The following BTBD16 variants were observed in gnomAD, a reference collection of about 807,000 sequenced individuals.
The protein encoded by BTBD16 is BTB/POZ domain-containing protein 16.
BTBD16 carries 66 observed loss-of-function variants against 67.4 expected under a neutral mutation model. That is an observed-to-expected ratio of 0.98 (90% CI 0.80 to 1.20). BTBD16 has a LOEUF of 1.20. Ranked by LOEUF, BTBD16 falls within the 50% of genes most tolerant of loss-of-function variation. The probability of loss-of-function intolerance (pLI) is 0.00; values close to 1 mark genes in which losing one functional copy is unlikely to be tolerated. For synonymous variants in BTBD16, 242 were observed against 236.4 expected, an observed-to-expected ratio of 1.02 and a Z score of -0.22; for missense variants, 634 against 616.0, an observed-to-expected ratio of 1.03 and a Z score of -0.31.
At chr10:122,336,212 T>G (rs749660126) in intron 14 of BTBD16, among the ~76,000 whole-genome samples, 1 of 152,218 alleles carries the variant, frequency 6.6e-6, no homozygotes, top group South Asian at 2.1e-4. Context: ...GAGTACTACA[T>G]TGGTTTTTTA....
At chr10:122,319,644 G>T (rs888789975) in intron 10 of BTBD16, among the ~76,000 whole-genome samples, 3 of 151,926 alleles carry the variant, frequency 2.0e-5, no homozygotes, top group Non-Finnish European at 4.4e-5. Context: ...CTTGACATAA[G>T]GTAATGTAAG....
chr10:122,292,142 G>T (rs1158701617), intron 7 of BTBD16, among the ~76,000 whole-genome samples: 1 of 152,220 alleles, frequency 6.6e-6, no homozygotes. Flanking sequence ...TCCGTGCAGG[G>T]TCTGTGCTCA....
intron 7 of BTBD16, among the ~76,000 whole-genome samples, chr10:122,294,520 G>A (rs550218908): frequency 2.8e-4 from 42 of 152,170 alleles, no homozygotes; most frequent in African/African-American, 5.1e-4. Context: ...TGTCACATGC[G>A]TGTACCAGCA....
chr10:122,313,987 C>T (rs2096419114), intron 10 of BTBD16, among the ~76,000 whole-genome samples: 1 of 152,210 alleles, frequency 6.6e-6, no homozygotes, highest in African/African-American at 2.4e-5. Context: ...TGGAATAAGA[C>T]ATCCCCCAAT....
chr10:122,309,953 G>T (rs1285649974), intron 10 of BTBD16, among the ~76,000 whole-genome samples: 1 of 148,994 alleles, frequency 6.7e-6, no homozygotes, highest in Non-Finnish European at 1.5e-5. Context: ...TGTATTTTTA[G>T]TAGGGGTGGG....
chr10:122,332,343 G>GC (rs1205722589), intron 12 of BTBD16, 93 bp from the exon 13 acceptor site: 2 of 1,172,712 alleles, frequency 1.7e-6, no homozygotes, highest in East Asian at 2.4e-5. Flanking sequence ...CCTGGTGAGG[G>GC]GGGCAGGGGT....
At chr10:122,309,153 G>A (rs1406185652) in intron 10 of BTBD16, among the ~76,000 whole-genome samples, 5 of 152,026 alleles carry the variant, frequency 3.3e-5, no homozygotes, top group Non-Finnish European at 7.4e-5. Context: ...TTGAGACAGG[G>A]TCTTGCTCTG....
intron 6 of BTBD16, 61 bp downstream of exon 6, chr10:122,290,059 A>C: frequency 8.5e-7 from 1 of 1,173,136 alleles, no homozygotes; most frequent in South Asian, 1.3e-5. Context: ...TCCCAGATTT[A>C]AAAATGCACA....
At chr10:122,303,668 A>T (rs2096398229) in intron 9 of BTBD16, 1 of 891,154 alleles carries the variant, frequency 1.1e-6, no homozygotes, top group African/African-American at 1.8e-5. Flanking sequence ...AAAATAGAGG[A>T]CAGTGTCTTA....
chr10:122,294,561 C>CAT (rs397692360), intron 7 of BTBD16, among the ~76,000 whole-genome samples: 2 of 152,142 alleles, frequency 1.3e-5, no homozygotes, highest in East Asian at 3.9e-4. Flanking sequence ...TGCACACACA[C>CAT]GCTCACACAC....
chr10:122,271,705 CCACAGGGACCTTGG>C (rs1263155337), intron 1 of BTBD16, among the ~76,000 whole-genome samples, 191 bp downstream of exon 1: 1 of 152,104 alleles, frequency 6.6e-6, no homozygotes, highest in African/African-American at 2.4e-5. Flanking sequence ...TCCTGCCCGC[CCACAGGGACCTTGG>C]CACAGGCTCT....
chr10:122,318,740 C>T (rs1003706981), intron 10 of BTBD16, among the ~76,000 whole-genome samples: 2 of 152,188 alleles, frequency 1.3e-5, no homozygotes, highest in African/African-American at 2.4e-5. Context: ...CACATGCCAA[C>T]ACGCCCGGCT....
intron 7 of BTBD16, among the ~76,000 whole-genome samples, chr10:122,296,614 A>C (rs1479905718): frequency 6.6e-6 from 1 of 152,238 alleles, no homozygotes. Flanking sequence ...TTAGCTGTGA[A>C]AGTTCAGTCA....
chr10:122,284,260 C>T (rs1483056352), intron 4 of BTBD16, among the ~76,000 whole-genome samples: 4 of 152,100 alleles, frequency 2.6e-5, no homozygotes, highest in Non-Finnish European at 5.9e-5. Flanking sequence ...ACCAGCCTCG[C>T]CAACATGGTG....
intron 11 of BTBD16, 56 bp downstream of exon 11, chr10:122,329,627 C>G (rs1009768914): frequency 6.9e-7 from 1 of 1,457,614 alleles, no homozygotes; most frequent in Non-Finnish European, 9.5e-7. Flanking sequence ...CACCTGCCCA[C>G]CCCCCAGCCA....
Position 122,286,163 on chromosome 10 carries a change from G to T in BTBD16, c.300G>T (p.Gln100His). Residue 100 changes from glutamine to histidine, a missense_variant, in exon 5 of 16, where the codon CAG (glutamine) becomes CAT (histidine). Physicochemically the swap from Gln to His is conservative, Grantham distance 24. Transcript: ENST00000260723. ...AGCTCCATCAGCCCCAGCTTTTTCAGTCTGAGACCTTGGCCAAGCTCTACC... is the reference window on the plus strand; with the variant it reads ...AGCTCCATCAGCCCCAGCTTTTTCATTCTGAGACCTTGGCCAAGCTCTACC... ...KWELHQPQLF[Q>H]SETLAKLYLK... The T allele has an allele frequency of 6.2e-7, 1 of 1,614,030 alleles. No homozygotes were observed.
intron 10 of BTBD16, among the ~76,000 whole-genome samples, chr10:122,327,036 C>T (rs1290155805): frequency 6.6e-6 from 1 of 152,144 alleles, no homozygotes; most frequent in Non-Finnish European, 1.5e-5. Flanking sequence ...GGTGCCTCCG[C>T]TCCCAGACAG....
chr10:122,298,874 T>C, intron 8 of BTBD16, 130 bp from the exon 9 acceptor site: 1 of 1,186,346 alleles, frequency 8.4e-7, no homozygotes, highest in Non-Finnish European at 1.2e-6. Context: ...AATTCATGTA[T>C]TTTGTAGAAA....
intron 10 of BTBD16, among the ~76,000 whole-genome samples, chr10:122,324,771 C>T (rs1192698538): frequency 6.6e-6 from 1 of 152,170 alleles, no homozygotes; most frequent in Admixed American, 6.5e-5. Flanking sequence ...CTCTCTTGTT[C>T]TCAAGGTCCC....
Sources: allele counts gnomAD v4.1 joint callset (sites outside exome capture counted in the v4.1 genomes callset), GRCh38; gene constraint gnomAD v4.1.1; transcripts MANE v1.5; gene names NCBI Gene and HGNC (gene_info 2026-07-23, HGNC 2026-07-21).